CAMK1D: variants seen among roughly 807,000 people sequenced by gnomAD.
CAMK1D encodes calcium/calmodulin-dependent protein kinase type 1D.
In CAMK1D, 9 loss-of-function variants were observed where a neutral mutation model predicts 47.7. That is an observed-to-expected ratio of 0.19 (90% CI 0.11 to 0.33). The LOEUF is 0.33. CAMK1D is among the 10% of genes least tolerant of loss of function. The probability of loss-of-function intolerance (pLI) is 1.00; values close to 1 mark genes in which losing one functional copy is unlikely to be tolerated. For synonymous variants in CAMK1D, 184 were observed against 184.9 expected (o/e 0.99, Z 0.04); for missense variants, 291 against 488.7 (o/e 0.60, Z 3.81).
intron 2 of CAMK1D, among the ~76,000 whole-genome samples, chr10:12,574,152 GA>G (rs1212174314): frequency 6.6e-6 from 1 of 152,146 alleles, no homozygotes; most frequent in African/African-American, 2.4e-5. Flanking sequence ...AGCCTTTGCA[GA>G]ATGCAGAGTC....
chr10:12,638,222 G>A (rs997856661), intron 2 of CAMK1D, among the ~76,000 whole-genome samples: 1 of 152,216 alleles, frequency 6.6e-6, no homozygotes, highest in African/African-American at 2.4e-5. Context: ...TGCCTCGTGT[G>A]CAGAACCACA....
At chr10:12,560,898 A>AGG (rs1398044838) in intron 2 of CAMK1D, among the ~76,000 whole-genome samples, 18 of 150,530 alleles carry the variant, frequency 1.2e-4, no homozygotes, top group African/African-American at 3.7e-4. Flanking sequence ...ATTGAAAGTT[A>AGG]CCTTGATTTC....
At chr10:12,795,186 T>G (rs952799664) in intron 6 of CAMK1D, among the ~76,000 whole-genome samples, 1 of 151,866 alleles carries the variant, frequency 6.6e-6, no homozygotes, top group African/African-American at 2.4e-5. Flanking sequence ...AGCAGAGAGA[T>G]AAGAGCATCA....
At chr10:12,583,434 T>C (rs1312280933) in intron 2 of CAMK1D, among the ~76,000 whole-genome samples, 1 of 152,194 alleles carries the variant, frequency 6.6e-6, no homozygotes, top group Non-Finnish European at 1.5e-5. Flanking sequence ...TGCTTTTTTC[T>C]TAATAGGAAA....
intron 8 of CAMK1D, among the ~76,000 whole-genome samples, chr10:12,818,046 G>A (rs192247939): frequency 3.3e-5 from 5 of 152,064 alleles, no homozygotes; most frequent in South Asian, 2.1e-4. Flanking sequence ...GCCAAGAGTC[G>A]TAAAATACCA....
intron 5 of CAMK1D, 131 bp from the exon 6 acceptor site, chr10:12,791,027 A>G: frequency 6.8e-6 from 5 of 734,068 alleles, no homozygotes; most frequent in Non-Finnish European, 1.2e-5. Context: ...CCAACACATA[A>G]AATGGGTTAT....
intron 1 of CAMK1D, among the ~76,000 whole-genome samples, chr10:12,393,355 A>G (rs1838816567): frequency 6.6e-6 from 1 of 152,018 alleles, no homozygotes. Flanking sequence ...TAAGGAATAC[A>G]TTTTCTTTTA....
At chr10:12,535,095 C>CTGAGACACAGGAAG (rs1482395612) in intron 1 of CAMK1D, among the ~76,000 whole-genome samples, 3 of 152,196 alleles carry the variant, frequency 2.0e-5, no homozygotes, top group African/African-American at 7.2e-5. Context: ...TTAAGATAAG[C>CTGAGACACAGGAAG]TGAGACACAG....
At chr10:12,828,005 G>T (rs1213800356) in intron 10 of CAMK1D, among the ~76,000 whole-genome samples, 1 of 152,196 alleles carries the variant, frequency 6.6e-6, no homozygotes, top group Non-Finnish European at 1.5e-5. Flanking sequence ...GTCACAAAAT[G>T]CTTTCTAGCC....
At chr10:12,351,447 C>A (rs544105485) in intron 1 of CAMK1D, among the ~76,000 whole-genome samples, 4 of 152,304 alleles carry the variant, frequency 2.6e-5, no homozygotes, top group Admixed American at 2.0e-4. Flanking sequence ...GACAAGAAAG[C>A]ATGGCCTTTG....
Position 12,617,050 on chromosome 10 carries a change from C to T in CAMK1D, c.225-49686C>T, listed in dbSNP as rs908052529. 3.9e-5 allele frequency among the ~76,000 whole-genome samples: 6 copies of T among 152,236 alleles called. 1 individual carries two copies. Among genetic ancestry groups the T allele is most frequent in the African/African-American group, 1.4e-4 (6 of 41,540 alleles). On this transcript the variant is annotated intron_variant, in intron 2 of 10. Coordinates refer to ENST00000619168, the MANE Select transcript of CAMK1D (RefSeq NM_153498.4). Reference sequence around the variant, plus strand: ...TCACAAAAATAAGGCATGTTCTAATCAACTAAGCACTTGACCATGAACTTC... The same window carrying T: ...TCACAAAAATAAGGCATGTTCTAATTAACTAAGCACTTGACCATGAACTTC...
chr10:12,629,683 A>G (rs1839321604), intron 2 of CAMK1D, among the ~76,000 whole-genome samples: 1 of 152,226 alleles, frequency 6.6e-6, no homozygotes, highest in African/African-American at 2.4e-5. Context: ...AATTCTCACA[A>G]TATCCAAGCT....
At chr10:12,740,641 G>C (rs1031170997) in intron 3 of CAMK1D, among the ~76,000 whole-genome samples, 1 of 152,166 alleles carries the variant, frequency 6.6e-6, no homozygotes, top group Non-Finnish European at 1.5e-5. Context: ...GAGCTGGAAA[G>C]GCAGGTAGGA....
intron 3 of CAMK1D, among the ~76,000 whole-genome samples, chr10:12,731,141 G>A (rs143419160): frequency 6.6e-6 from 1 of 152,238 alleles, no homozygotes; most frequent in African/African-American, 2.4e-5. Context: ...GAGAAGGGAA[G>A]GCAGTGCTAT....
At chr10:12,434,274 G>C in intron 1 of CAMK1D, among the ~76,000 whole-genome samples, 1 of 152,140 alleles carries the variant, frequency 6.6e-6, no homozygotes, top group East Asian at 1.9e-4. Context: ...AGAGTGTTTG[G>C]GGTTTGGAGT....
chr10:12,405,207 A>T (rs1367054916), intron 1 of CAMK1D, among the ~76,000 whole-genome samples: 1 of 151,770 alleles, frequency 6.6e-6, no homozygotes, highest in Non-Finnish European at 1.5e-5. Flanking sequence ...CACTCCCCAT[A>T]CCTCCTTCTG....
intron 1 of CAMK1D, among the ~76,000 whole-genome samples, chr10:12,479,123 G>A (rs1195487974): frequency 6.6e-6 from 1 of 152,112 alleles, no homozygotes; most frequent in African/African-American, 2.4e-5. Context: ...ATGTGAAAAC[G>A]GCTCCTGGCC....
At chr10:12,372,513 A>G (rs1838034248) in intron 1 of CAMK1D, among the ~76,000 whole-genome samples, 1 of 152,230 alleles carries the variant, frequency 6.6e-6, no homozygotes, top group Non-Finnish European at 1.5e-5. Context: ...CTTAACAGAG[A>G]AAATGTGACA....
At chr10:12,827,001 A>G (rs1644392) in intron 10 of CAMK1D, among the ~76,000 whole-genome samples, 35,298 of 152,200 alleles carry the variant, frequency 0.23, 4,447 homozygotes, top group South Asian at 0.4. Context: ...AAGGCTTTTG[A>G]TGCCTGCACA....
Sources: gnomAD v4.1 joint callset for allele counts (sites outside exome capture counted in the v4.1 genomes callset) on GRCh38, gnomAD v4.1.1 for gene constraint, MANE v1.5 for transcripts, NCBI Gene and HGNC (gene_info 2026-07-23, HGNC 2026-07-21) for gene names.